Variants in PRUNE1 observed in about 807,000 individuals in gnomAD.
PRUNE1 encodes the protein exopolyphosphatase PRUNE1.
Under a neutral mutation model 42.5 loss-of-function variants are expected in PRUNE1, and 25 were observed. That is an observed-to-expected ratio of 0.59 (90% confidence interval 0.43 to 0.82). The LOEUF (loss-of-function observed/expected upper bound fraction) is 0.82. Ranked by LOEUF, PRUNE1 falls within the 40% of genes least tolerant of loss-of-function variation. The pLI, the probability that PRUNE1 is intolerant of heterozygous loss-of-function variation, is 0.00. For missense variants in PRUNE1, 443 were observed against 539.3 expected (o/e 0.82, Z 1.77); for synonymous variants, 203 against 217.1 (o/e 0.93, Z 0.57).
intron 1 of PRUNE1, among the ~76,000 whole-genome samples, chr1:151,009,506 A>G (rs1386677001): frequency 6.6e-6 from 1 of 152,222 alleles, no homozygotes; most frequent in Non-Finnish European, 1.5e-5. Context: ...CCCAGTTAGC[A>G]GCAAAAAGCT....
intron 1 of PRUNE1, among the ~76,000 whole-genome samples, chr1:151,015,180 T>A (rs941374404): frequency 6.7e-6 from 1 of 148,984 alleles, no homozygotes; most frequent in South Asian, 2.1e-4. Flanking sequence ...AATACAAAAA[T>A]TAGCTGGGTG....
intron 1 of PRUNE1, 70 bp downstream of exon 1, chr1:151,008,741 T>A: frequency 6.4e-7 from 1 of 1,555,306 alleles, no homozygotes; most frequent in Non-Finnish European, 8.8e-7. Context: ...ACGTGGGATC[T>A]GGGGGAGCCT....
chr1:151,020,977 C>T (rs1037322245), intron 3 of PRUNE1, among the ~76,000 whole-genome samples: 5 of 149,432 alleles, frequency 3.3e-5, no homozygotes, highest in Admixed American at 2.0e-4. Flanking sequence ...AGCAAGACTC[C>T]ATCTTAAAAA....
At chr1:151,030,342 G>C (rs1162119855) in intron 7 of PRUNE1, among the ~76,000 whole-genome samples, 1 of 151,474 alleles carries the variant, frequency 6.6e-6, no homozygotes, top group Non-Finnish European at 1.5e-5. Flanking sequence ...GACTGCTAAA[G>C]ACAGAATACA....
intron 1 of PRUNE1, among the ~76,000 whole-genome samples, chr1:151,012,360 C>T (rs1673822427): frequency 2.0e-5 from 3 of 152,152 alleles, no homozygotes; most frequent in African/African-American, 7.2e-5. Flanking sequence ...ACACGGTTTG[C>T]CCAGGGCAGT....
In PRUNE1 at chr1:151,028,770, G is replaced by A. The variant is rs113421727; in HGVS notation, c.775-16G>A. On this transcript the variant is annotated splice_polypyrimidine_tract_variant and intron_variant, in intron 6 of 7. Coordinates refer to ENST00000271620, the MANE Select transcript of PRUNE1 (RefSeq NM_021222.3). ...ATGAGAAAGTCCTTCATCCCTCTCC[G>A]TTTCTTCCCTTTCAGGCCTTTCTGC... 2,337 of 1,610,986 alleles carry A rather than the reference G, an allele frequency of 1.5e-3. 36 individuals are homozygous for A. The African/African-American group carries it at 0.027, about 18-fold the overall frequency.
chr1:151,021,467 T>G (rs1161747500), intron 3 of PRUNE1, among the ~76,000 whole-genome samples: 2 of 152,124 alleles, frequency 1.3e-5, no homozygotes, highest in African/African-American at 2.4e-5. Context: ...AAAAAAAATT[T>G]TTTTTAATCT....
At chr1:151,009,732 T>C (rs1673630717) in intron 1 of PRUNE1, among the ~76,000 whole-genome samples, 1 of 152,248 alleles carries the variant, frequency 6.6e-6, no homozygotes, top group Admixed American at 6.5e-5. Flanking sequence ...TGTCTTCATA[T>C]TGAATTGGGG....
intron 1 of PRUNE1, 88 bp downstream of exon 1, chr1:151,008,759 C>T: frequency 6.7e-7 from 1 of 1,500,272 alleles, no homozygotes; most frequent in South Asian, 1.1e-5. Flanking sequence ...CCTCGACGGT[C>T]CGTGTGGAGG....
chr1:151,034,763 C>T lies in PRUNE1; in HGVS notation c.*529C>T, dbSNP rs1014635578. On this transcript the variant is annotated 3_prime_UTR_variant, in exon 8 of 8. Coordinates refer to ENST00000271620, the MANE Select transcript of PRUNE1 (RefSeq NM_021222.3). Reference sequence around the variant, plus strand: ...ATCAGCTCGGTGACTTTTCTTTCTGCCACCATTTAGGTGATGGTGTTTGAT... The same window carrying T: ...ATCAGCTCGGTGACTTTTCTTTCTGTCACCATTTAGGTGATGGTGTTTGAT... 6.3e-6 allele frequency: 1 copy of T among 158,948 alleles called. No homozygotes were observed. The highest frequency in any genetic ancestry group is 5.8e-5 in the Admixed American group (1 of 17,136). 9.8% of individuals were successfully genotyped at this position (158,948 alleles called of 1,614,324 possible).
At chr1:151,032,327 A>T (rs1326502613) in intron 7 of PRUNE1, among the ~76,000 whole-genome samples, 1 of 152,024 alleles carries the variant, frequency 6.6e-6, no homozygotes, top group Non-Finnish European at 1.5e-5. Context: ...AAGCAGGAGG[A>T]TTGCTTGAGA....
chr1:151,020,113 G>A (rs866792329), intron 3 of PRUNE1, among the ~76,000 whole-genome samples: 20 of 140,386 alleles, frequency 1.4e-4, no homozygotes, highest in Admixed American at 3.5e-4. Context: ...GATTACAGGC[G>A]TGAGCCACCA....
At chr1:151,016,570 C>T (rs998525668) in intron 1 of PRUNE1, among the ~76,000 whole-genome samples, 34 of 151,974 alleles carry the variant, frequency 2.2e-4, no homozygotes, top group African/African-American at 6.0e-4. Flanking sequence ...GGCGCAATCT[C>T]GGCTCACTGC....
chr1:151,021,177 G>T (rs1288093730), intron 3 of PRUNE1, among the ~76,000 whole-genome samples: 4 of 150,000 alleles, frequency 2.7e-5, no homozygotes, highest in Non-Finnish European at 5.9e-5. Flanking sequence ...TAGCCAGGCC[G>T]GGCGTGGTGG....
At chr1:151,030,187 C>T (rs190606566) in intron 7 of PRUNE1, among the ~76,000 whole-genome samples, 3 of 150,042 alleles carry the variant, frequency 2.0e-5, no homozygotes, top group East Asian at 4.0e-4. Flanking sequence ...TCTTGAACCT[C>T]GGCAAGCAGA....
At chr1:151,027,393 C>T in intron 6 of PRUNE1, 66 bp downstream of exon 6, 2 of 1,137,978 alleles carry the variant, frequency 1.8e-6, no homozygotes, top group South Asian at 1.3e-5. Context: ...ATGCATGTGG[C>T]CTTGCACCTC....
In PRUNE1 at chr1:151,021,146, C is replaced by CAA. The variant is rs1162451001; in HGVS notation, c.335+2495_335+2496dup. ...TGAGCGACAGAGTGATGCTCTGTCT[C>CAA]AAAAAAAAAAAAAAAAAAATTAGCC... On this transcript the variant is annotated intron_variant, in intron 3 of 7. Transcript: ENST00000271620. 5.1e-3 allele frequency among the ~76,000 whole-genome samples: 409 copies of CAA among 80,574 alleles called. 3 individuals carry two copies. The highest frequency in any genetic ancestry group is 9.8e-3 in the South Asian group (22 of 2,252). The allele number at this position is 80,574 out of a possible 152,430, so 52.9% of individuals were successfully genotyped here.
At chr1:151,026,847 C>CTTTTTTT (rs766393235) in intron 5 of PRUNE1, among the ~76,000 whole-genome samples, 4 of 128,644 alleles carry the variant, frequency 3.1e-5, no homozygotes, top group African/African-American at 5.7e-5. Context: ...TTCTTTCTTT[C>CTTTTTTT]TTTTTTTTTT....
chr1:151,011,295 C>T (rs948261857), intron 1 of PRUNE1, among the ~76,000 whole-genome samples: 1 of 152,056 alleles, frequency 6.6e-6, no homozygotes, highest in Non-Finnish European at 1.5e-5. Flanking sequence ...TTTCTATAGC[C>T]TCTGCCACAG....
Sources: allele counts gnomAD v4.1 joint callset (sites outside exome capture counted in the v4.1 genomes callset), GRCh38; gene constraint gnomAD v4.1.1; transcripts MANE v1.5; gene names NCBI Gene and HGNC (gene_info 2026-07-23, HGNC 2026-07-21).